The following ALCAM variants were observed in gnomAD, a reference collection of about 807,000 sequenced individuals.
ALCAM encodes CD166 antigen.
ALCAM carries 30 observed loss-of-function variants against 70.9 expected under a neutral mutation model. The observed-to-expected ratio is 0.42, with a 90% CI of 0.32 to 0.57. The LOEUF (loss-of-function observed/expected upper bound fraction) is 0.57. ALCAM is among the 20% of genes least tolerant of loss of function. ALCAM has a pLI of 0.11. For missense variants in ALCAM, 591 were observed against 695.1 expected (o/e 0.85, Z 1.68); for synonymous variants, 249 against 242.5 (o/e 1.03, Z -0.25).
intron 1 of ALCAM, among the ~76,000 whole-genome samples, chr3:105,477,810 CTT>C (rs2152606260): frequency 6.6e-6 from 1 of 152,048 alleles, no homozygotes; most frequent in East Asian, 1.9e-4. Context: ...TTTTATCTCT[CTT>C]GAAGTTTACT....
rs374425457 is a variant in ALCAM at position 105,431,535 on chromosome 3, G to T, written c.73+64054G>T. Among the ~76,000 whole-genome samples the T allele has an allele frequency of 2.6e-4, 40 of 152,142 alleles. No individual in the cohort carries two copies. In the East Asian group the frequency reaches 7.8e-3, roughly 30 times the overall value. ...GTATCCCATTTGCTATCCTTACAGTGGCCAAAGGACAGCATAAGGTGAGCC... is the reference window on the plus strand; with the variant it reads ...GTATCCCATTTGCTATCCTTACAGTTGCCAAAGGACAGCATAAGGTGAGCC... On this transcript the variant is annotated intron_variant, in intron 1 of 15. Coordinates refer to ENST00000306107, the MANE Select transcript of ALCAM (RefSeq NM_001627.4).
chr3:105,475,186 A>C (rs1938072266), intron 1 of ALCAM, among the ~76,000 whole-genome samples: 2 of 151,902 alleles, frequency 1.3e-5, no homozygotes, highest in Admixed American at 1.3e-4. Context: ...GTTGTTTTGA[A>C]GCCTGGATTT....
At chr3:105,498,365 T>C (rs1938818133) in intron 1 of ALCAM, among the ~76,000 whole-genome samples, 1 of 152,140 alleles carries the variant, frequency 6.6e-6, no homozygotes. Context: ...GGAAGTTTTC[T>C]AAAAAGTAAA....
At chr3:105,564,683 T>C (rs62262968) in intron 14 of ALCAM, among the ~76,000 whole-genome samples, 13,500 of 152,284 alleles carry the variant, frequency 0.089, 865 homozygotes, top group South Asian at 0.2. Flanking sequence ...CTTTCTGGCT[T>C]GTATTGTTTT....
At chr3:105,439,344 T>C (rs370766332) in intron 1 of ALCAM, 23 of 152,284 alleles carry the variant, frequency 1.5e-4, no homozygotes, top group African/African-American at 5.5e-4. Context: ...GAGCAGTCAT[T>C]ATTTGAATGG....
At chr3:105,442,356 A>G (rs1205167762) in intron 1 of ALCAM, among the ~76,000 whole-genome samples, 1 of 152,224 alleles carries the variant, frequency 6.6e-6, no homozygotes, top group African/African-American at 2.4e-5. Context: ...GTAAATTTTT[A>G]TACATATTTA....
intron 1 of ALCAM, among the ~76,000 whole-genome samples, chr3:105,473,902 T>C (rs1231784883): frequency 6.6e-6 from 1 of 151,354 alleles, no homozygotes; most frequent in Non-Finnish European, 1.5e-5. Context: ...TTTTTTAAAG[T>C]TAAGGTGGCT....
At chr3:105,406,416 C>T (rs989418195) in intron 1 of ALCAM, among the ~76,000 whole-genome samples, 1 of 152,156 alleles carries the variant, frequency 6.6e-6, no homozygotes, top group East Asian at 1.9e-4. Flanking sequence ...TGTTACATCC[C>T]AGCCATTGTA....
chr3:105,433,317 G>C (rs1936979238), intron 1 of ALCAM, among the ~76,000 whole-genome samples: 1 of 152,164 alleles, frequency 6.6e-6, no homozygotes, highest in Non-Finnish European at 1.5e-5. Context: ...GGAACATTCT[G>C]GTAGTTCAGG....
intron 3 of ALCAM, chr3:105,524,957 C>A (rs1939658387): frequency 3.0e-6 from 3 of 984,804 alleles, no homozygotes; most frequent in Middle Eastern, 5.2e-4. Context: ...TAAGCAAATT[C>A]AAACTATATT....
At chr3:105,419,296 G>C (rs764728261) in intron 1 of ALCAM, among the ~76,000 whole-genome samples, 4 of 151,772 alleles carry the variant, frequency 2.6e-5, no homozygotes, top group Non-Finnish European at 5.9e-5. Flanking sequence ...TGATTTCTGA[G>C]TCACGTTCAG....
intron 1 of ALCAM, among the ~76,000 whole-genome samples, chr3:105,513,536 A>G (rs1242242153): frequency 6.6e-6 from 1 of 151,984 alleles, no homozygotes; most frequent in Non-Finnish European, 1.5e-5. Context: ...ATTCCCTAAA[A>G]TTTCAAAGAA....
chr3:105,567,136 C>T (rs1940760107), intron 14 of ALCAM, among the ~76,000 whole-genome samples: 1 of 151,890 alleles, frequency 6.6e-6, no homozygotes, highest in South Asian at 2.1e-4. Context: ...TGTTATTGTT[C>T]TCCTGAACAA....
chr3:105,472,734 G>T (rs758814210), intron 1 of ALCAM, among the ~76,000 whole-genome samples: 12 of 151,412 alleles, frequency 7.9e-5, no homozygotes, highest in Non-Finnish European at 1.5e-4. Flanking sequence ...TTTACCAAAG[G>T]TTATATTTCA....
At chr3:105,473,377 C>T (rs1261313614) in intron 1 of ALCAM, among the ~76,000 whole-genome samples, 2 of 151,482 alleles carry the variant, frequency 1.3e-5, no homozygotes, top group East Asian at 3.9e-4. Context: ...ATCCAACTCC[C>T]TTCTACCAGC....
At chr3:105,496,848 G>T (rs1468611410) in intron 1 of ALCAM, among the ~76,000 whole-genome samples, 1 of 151,680 alleles carries the variant, frequency 6.6e-6, no homozygotes, top group East Asian at 1.9e-4. Flanking sequence ...GTGTGTGTGT[G>T]TGTGTGTGCA....
chr3:105,565,755 G>A (rs1014851384), intron 14 of ALCAM, among the ~76,000 whole-genome samples: 1 of 152,098 alleles, frequency 6.6e-6, no homozygotes, highest in East Asian at 1.9e-4. Flanking sequence ...ACTTTTTTTG[G>A]AGCTTGGTTT....
At chr3:105,566,850 T>C (rs1452330041) in intron 14 of ALCAM, among the ~76,000 whole-genome samples, 1 of 152,204 alleles carries the variant, frequency 6.6e-6, no homozygotes, top group African/African-American at 2.4e-5. Context: ...CTACAATCTG[T>C]ATTTTTTTAT....
chr3:105,495,088 A>G (rs187757065), intron 1 of ALCAM, among the ~76,000 whole-genome samples: 1 of 152,308 alleles, frequency 6.6e-6, no homozygotes, highest in African/African-American at 2.4e-5. Context: ...ACAGACTGAG[A>G]GAGATCTTTT....
Sources: gnomAD v4.1 joint callset for allele counts (sites outside exome capture counted in the v4.1 genomes callset) on GRCh38, gnomAD v4.1.1 for gene constraint, MANE v1.5 for transcripts, NCBI Gene and HGNC (gene_info 2026-07-23, HGNC 2026-07-21) for gene names.